Variants in MRPS28 observed in about 807,000 individuals in gnomAD.
MRPS28 encodes small ribosomal subunit protein bS1m.
Under a neutral mutation model 10.8 loss-of-function variants are expected in MRPS28, and 7 were observed. The ratio of observed to expected loss-of-function variants is 0.65; its 90% CI spans 0.37 to 1.22. The LOEUF (loss-of-function observed/expected upper bound fraction) is 1.22, where lower values mean the gene tolerates loss of function less well. Among genes scored for constraint, MRPS28 ranks in the 50% most tolerant of loss-of-function variants. The pLI is 0.02. For synonymous variants in MRPS28, 121 were observed against 93.3 expected (o/e 1.30, Z -1.71); for missense variants, 265 against 232.9 (o/e 1.14, Z -0.90).
chr8:79,954,863 C>T (rs139635056), intron 2 of MRPS28, among the ~76,000 whole-genome samples: 1 of 152,184 alleles, frequency 6.6e-6, no homozygotes, highest in Non-Finnish European at 1.5e-5. Flanking sequence ...TGGCTGGGTG[C>T]AGAGGTGTGC....
chr8:79,990,221 T>G (rs1284865044), intron 2 of MRPS28, among the ~76,000 whole-genome samples: 1 of 152,094 alleles, frequency 6.6e-6, no homozygotes, highest in Non-Finnish European at 1.5e-5. Flanking sequence ...TCCTGCCCTT[T>G]GAACAGTTCT....
intron 1 of MRPS28, among the ~76,000 whole-genome samples, chr8:80,021,678 A>G (rs1390332393): frequency 6.6e-6 from 1 of 152,168 alleles, no homozygotes; most frequent in East Asian, 1.9e-4. Flanking sequence ...ACAAAAAATT[A>G]CCTTACAGGA....
intron 2 of MRPS28, among the ~76,000 whole-genome samples, chr8:79,993,965 C>T (rs764497645): frequency 3.3e-5 from 5 of 152,270 alleles, no homozygotes; most frequent in South Asian, 2.1e-4. Context: ...ATTCAGTGCA[C>T]GTGCCAGTTA....
intron 2 of MRPS28, among the ~76,000 whole-genome samples, chr8:79,960,147 G>A (rs1807336197): frequency 6.6e-6 from 1 of 152,108 alleles, no homozygotes; most frequent in Non-Finnish European, 1.5e-5. Context: ...TGCCATGACA[G>A]GTACTCTTGC....
At chr8:79,920,036 C>T (rs1056274324) in intron 2 of MRPS28, among the ~76,000 whole-genome samples, 11 of 146,540 alleles carry the variant, frequency 7.5e-5, no homozygotes, top group East Asian at 6.2e-4. Flanking sequence ...TGAGAACATG[C>T]GGTGTTTGGT....
chr8:80,026,550 C>T (rs576340350), intron 1 of MRPS28, among the ~76,000 whole-genome samples: 3 of 152,248 alleles, frequency 2.0e-5, no homozygotes, highest in Admixed American at 6.5e-5. Flanking sequence ...AAATATTTAC[C>T]GAGTGCCCAC....
chr8:79,920,177 A>G (rs1810048742), intron 2 of MRPS28, among the ~76,000 whole-genome samples: 1 of 151,786 alleles, frequency 6.6e-6, no homozygotes, highest in Non-Finnish European at 1.5e-5. Flanking sequence ...CATTTTCTTA[A>G]TCTAGTCTAT....
chr8:79,955,232 T>C (rs1346764801), intron 2 of MRPS28, among the ~76,000 whole-genome samples: 1 of 152,178 alleles, frequency 6.6e-6, no homozygotes, highest in East Asian at 1.9e-4. Context: ...TGCGGGGTGA[T>C]GATTCCAGGT....
rs369852224 is a variant in MRPS28 at position 80,025,323 on chromosome 8, C to A, written c.213+4713G>T. 6.6e-5 allele frequency among the ~76,000 whole-genome samples: 10 copies of A among 152,280 alleles called. No individual in the cohort carries two copies. The East Asian group carries it at 1.3e-3, about 21-fold the overall frequency. On this transcript the variant is annotated intron_variant, in intron 1 of 2. Coordinates refer to ENST00000276585, the MANE Select transcript of MRPS28 (RefSeq NM_014018.3). ...ATATCAAGAAAATCCACCTATTACA[C>A]CCCATGAGTTGATACGGGGGTGAGG...
chr8:79,985,977 A>G (rs1270078104), intron 2 of MRPS28, among the ~76,000 whole-genome samples: 2 of 152,182 alleles, frequency 1.3e-5, no homozygotes, highest in Non-Finnish European at 2.9e-5. Context: ...CAACCAAAAA[A>G]GAGAATTTTA....
intron 1 of MRPS28, among the ~76,000 whole-genome samples, chr8:80,009,612 C>T (rs1276755878): frequency 6.6e-6 from 1 of 150,570 alleles, no homozygotes; most frequent in Non-Finnish European, 1.5e-5. Context: ...GCCAAACTGT[C>T]TCAAAAAAGA....
chr8:79,923,677 CT>C (rs939550923), intron 2 of MRPS28, among the ~76,000 whole-genome samples: 10 of 151,940 alleles, frequency 6.6e-5, no homozygotes, highest in African/African-American at 2.4e-4. Flanking sequence ...CGAAAATAGC[CT>C]GTGTTTTTAC....
At chr8:80,014,469 T>A (rs953156612) in intron 1 of MRPS28, among the ~76,000 whole-genome samples, 1 of 152,130 alleles carries the variant, frequency 6.6e-6, no homozygotes, top group Admixed American at 6.5e-5. Flanking sequence ...TTTGTGATGA[T>A]TCAAATACGA....
In MRPS28 at chr8:79,983,818, G is replaced by A. The variant is rs561099113; in HGVS notation, c.395+19181C>T. ...TCTGATTGGTGTACCTGAAAGTGAC[G>A]GGGAGAATGGAACCAAGTTGGAAAA... On this transcript the variant is annotated intron_variant, in intron 2 of 2. Coordinates refer to ENST00000276585, the MANE Select transcript of MRPS28 (RefSeq NM_014018.3). Among the ~76,000 whole-genome samples the A allele has an allele frequency of 1.4e-4, 22 of 152,302 alleles. No homozygotes were observed. The East Asian group carries it at 1.5e-3, about 11-fold the overall frequency.
intron 1 of MRPS28, among the ~76,000 whole-genome samples, chr8:80,028,178 T>A (rs1282742296): frequency 2.6e-5 from 4 of 152,228 alleles, no homozygotes; most frequent in Admixed American, 1.3e-4. Flanking sequence ...TTACCACAGT[T>A]AACTCAGCAA....
chr8:79,936,023 T>C (rs1806595495), intron 2 of MRPS28, among the ~76,000 whole-genome samples: 1 of 151,618 alleles, frequency 6.6e-6, no homozygotes, highest in Non-Finnish European at 1.5e-5. Context: ...ATACTTTTGC[T>C]ATTAATATTA....
At chr8:79,954,623 G>A (rs531823560) in intron 2 of MRPS28, among the ~76,000 whole-genome samples, 2 of 152,202 alleles carry the variant, frequency 1.3e-5, no homozygotes, top group South Asian at 4.2e-4. Flanking sequence ...AGAAATCCAG[G>A]GTTCAAATAC....
At chr8:79,941,486 T>C (rs1806767226) in intron 2 of MRPS28, among the ~76,000 whole-genome samples, 1 of 152,226 alleles carries the variant, frequency 6.6e-6, no homozygotes, top group Non-Finnish European at 1.5e-5. Flanking sequence ...TAAATAATTA[T>C]TGATAAGAAA....
intron 2 of MRPS28, among the ~76,000 whole-genome samples, chr8:79,955,025 C>G (rs987536500): frequency 6.6e-6 from 1 of 152,078 alleles, no homozygotes; most frequent in Non-Finnish European, 1.5e-5. Flanking sequence ...ATTGGAAGCT[C>G]CATCTAATGC....
Sources: allele counts gnomAD v4.1 joint callset (sites outside exome capture counted in the v4.1 genomes callset), GRCh38; gene constraint gnomAD v4.1.1; transcripts MANE v1.5; gene names NCBI Gene and HGNC (gene_info 2026-07-23, HGNC 2026-07-21).